COL27A1: variants seen among roughly 807,000 people sequenced by gnomAD.
The protein encoded by COL27A1 is collagen alpha-1(XXVII) chain.
Under a neutral mutation model 251.3 loss-of-function variants are expected in COL27A1, and 106 were observed. That is an observed-to-expected ratio of 0.42 (90% confidence interval 0.36 to 0.50). The LOEUF (loss-of-function observed/expected upper bound fraction) is 0.50, where lower values mean the gene tolerates loss of function less well. Among genes scored for constraint, COL27A1 ranks in the 20% least tolerant of loss-of-function variants. The pLI, the probability that COL27A1 is intolerant of heterozygous loss-of-function variation, is 0.00. For synonymous variants in COL27A1, 1,000 were observed against 986.3 expected (o/e 1.01, Z -0.26); for missense variants, 2,325 against 2,522.8 (o/e 0.92, Z 1.68).
At chr9:114,269,178 G>A in intron 34 of COL27A1, 63 bp from the exon 35 acceptor site, 1 of 1,148,902 alleles carries the variant, frequency 8.7e-7, no homozygotes. Context: ...GAAACAGGAA[G>A]GGGTGTCGAG....
At chr9:114,232,065 C>T (rs7024354) in intron 16 of COL27A1, among the ~76,000 whole-genome samples, 199 bp downstream of exon 16, 94,341 of 151,874 alleles carry the variant, frequency 0.62, 32,615 homozygotes, top group South Asian at 0.83. Context: ...TCTGGGAGCC[C>T]GAAAACCTCA....
chr9:114,212,164 C>G (rs2808794), intron 12 of COL27A1, among the ~76,000 whole-genome samples: 1 of 152,152 alleles, frequency 6.6e-6, no homozygotes, highest in Admixed American at 6.5e-5. Flanking sequence ...CTCTGTGGCC[C>G]GAACAGGCAG....
chr9:114,242,248 T>C lies in COL27A1; in HGVS notation c.2880+17T>C, dbSNP rs1294376359. The stretch of plus-strand genomic sequence containing the variant: ...GGCTTGGAGGTGAGTGTCACTGGCC[T>C]GGGGTAGGTGGCATTCATGGGAGCT... On this transcript the variant is annotated intron_variant, in intron 22 of 60. Transcript: ENST00000356083. The C allele has an allele frequency of 6.2e-7, 1 of 1,603,218 alleles. No individual in the cohort carries two copies. Among genetic ancestry groups the C allele is most frequent in the Non-Finnish European group, 8.5e-7 (1 of 1,175,342 alleles).
chr9:114,155,984 A>C lies in COL27A1; in HGVS notation c.34A>C (p.Thr12Pro). Residue 12 changes from threonine (T) to proline (P), a missense_variant, in exon 1 of 61, where the codon ACA (threonine) becomes CCA (proline). This residue lies in a region of COL27A1 where 1,183 missense variants were observed against 1,144.1 expected (regional missense o/e 1.03). Coordinates refer to ENST00000356083, the MANE Select transcript of COL27A1 (RefSeq NM_032888.4). This position sits in a 1 kb window ranked among gnomAD's most constrained non-coding sequence, Gnocchi z 5.5. ...GAGSARGARGTAAAAAARGGG... is the reference protein window; with the variant it reads ...GAGSARGARGPAAAAAARGGG... ...GGGATCGGCGCGGGGGGCCCGAGGC[A>C]CAGCGGCGGCGGCGGCGGCGCGCGG... 1 of 1,293,550 alleles carries C rather than the reference A, an allele frequency of 7.7e-7. No individual in the cohort carries two copies. The highest frequency in any genetic ancestry group is 2.8e-5 in the East Asian group (1 of 35,422). 80.1% of individuals were successfully genotyped at this position (1,293,550 alleles called of 1,614,324 possible).
intron 2 of COL27A1, among the ~76,000 whole-genome samples, chr9:114,164,745 A>G (rs1848715807): frequency 6.6e-6 from 1 of 152,230 alleles, no homozygotes; most frequent in South Asian, 2.1e-4. Context: ...TCATGATAAT[A>G]AGAGGGTTTC....
intron 23 of COL27A1, among the ~76,000 whole-genome samples, chr9:114,244,712 C>T (rs78149606): frequency 0.016 from 2,392 of 152,318 alleles, 66 homozygotes; most frequent in African/African-American, 0.054. Context: ...CAGTAAGCCA[C>T]ATCCATGTAT....
chr9:114,157,927 T>C (rs1185069731), intron 1 of COL27A1, among the ~76,000 whole-genome samples: 1 of 152,236 alleles, frequency 6.6e-6, no homozygotes, highest in Non-Finnish European at 1.5e-5. Context: ...TGGCATGTAA[T>C]AAGTGCTCAG....
Position 114,284,780 on chromosome 9 carries a change from G to A in COL27A1, c.3987+3G>A, listed in dbSNP as rs1355441003. 1 of 1,614,066 alleles carries A rather than the reference G, an allele frequency of 6.2e-7. No individual in the cohort carries two copies. The highest frequency in any genetic ancestry group is 8.5e-7 in the Non-Finnish European group (1 of 1,180,022). On this transcript the variant is annotated splice_donor_region_variant and intron_variant, in intron 41 of 60. Transcript: ENST00000356083. ...CTCCTGGACCAAAAGGCGAAAAGGT[G>A]GGTGTTTGCTCTGGGGAAAGCAGCT...
At chr9:114,236,919 C>T (rs1017044888) in intron 17 of COL27A1, 62 bp from the exon 18 acceptor site, 21 of 1,503,120 alleles carry the variant, frequency 1.4e-5, no homozygotes, top group East Asian at 6.8e-5. Context: ...GAGGACTGGG[C>T]GGCTGTTCAC....
At chr9:114,210,652 C>T (rs1830286503) in intron 11 of COL27A1, among the ~76,000 whole-genome samples, 1 of 152,172 alleles carries the variant, frequency 6.6e-6, no homozygotes, top group South Asian at 2.1e-4. Context: ...ATCTTCCTCC[C>T]CGCCCCCTCC....
At chr9:114,227,347 G>A (rs925096568) in intron 14 of COL27A1, among the ~76,000 whole-genome samples, 2 of 146,414 alleles carry the variant, frequency 1.4e-5, no homozygotes, top group South Asian at 2.2e-4. Context: ...GCCAACTCAG[G>A]CCTTGTGAGC....
intron 45 of COL27A1, among the ~76,000 whole-genome samples, chr9:114,289,680 C>T (rs1011006737): frequency 2.6e-5 from 4 of 152,070 alleles, no homozygotes; most frequent in Non-Finnish European, 5.9e-5. Flanking sequence ...CCCCAGGGCC[C>T]CTGCCTTCCC....
intron 39 of COL27A1, 84 bp from the exon 40 acceptor site, chr9:114,283,625 C>T (rs1836065499): frequency 7.8e-6 from 10 of 1,289,126 alleles, no homozygotes; most frequent in Middle Eastern, 1.9e-4. Flanking sequence ...CTGGGCGGAG[C>T]GGGGCTGGAG....
At chr9:114,244,987 G>A (rs1195380503) in intron 23 of COL27A1, among the ~76,000 whole-genome samples, 5 of 151,974 alleles carry the variant, frequency 3.3e-5, no homozygotes, top group African/African-American at 1.2e-4. Context: ...TTTATAGCTG[G>A]GGAGGCTGAG....
At chr9:114,199,197 C>T (rs1829389643) in intron 7 of COL27A1, among the ~76,000 whole-genome samples, 1 of 152,074 alleles carries the variant, frequency 6.6e-6, no homozygotes. Flanking sequence ...GGTGATTTTG[C>T]CCCCCAGGGA....
At position 114,162,775 on chromosome 9, in the gene COL27A1, A is replaced by G; in HGVS notation, c.123A>G (p.Gly41=). The change falls in exon 2 of 61, where the codon GGA becomes GGG. Residue 41 remains glycine (G), a synonymous_variant. Transcript: ENST00000356083. The stretch of plus-strand genomic sequence containing the variant: ...CCTGTCACCTGGCCTCCACCCAAGG[A>G]GCTCCTGAAGGTAATTCTCTCTTCT... ...SFACHLASTQ[G]APEDVDILQR... 1.2e-6 allele frequency: 2 copies of G among 1,611,958 alleles called. No individual in the cohort carries two copies. Among genetic ancestry groups the G allele is most frequent in the Non-Finnish European group, 1.7e-6 (2 of 1,178,670 alleles).
At position 114,245,873 on chromosome 9, in the gene COL27A1, C is replaced by A; in HGVS notation, c.2942C>A (p.Pro981Gln). ...CTCTTTGTCTCTTTGCAGGGGGAAC[C>A]AGGGGATCCTGGTCGGCCGGGGCCT... ...RPGLDGVKGE[P>Q]GDPGRPGPVG... Residue 981 changes from proline to glutamine, a missense_variant, in exon 24 of 61, where the codon CCA (proline) becomes CAA (glutamine). Pro to Gln is a moderately conservative substitution (Grantham distance 76). This residue lies in a region of COL27A1 where 662 missense variants were observed against 795.3 expected (regional missense o/e 0.83). Coordinates refer to ENST00000356083, the MANE Select transcript of COL27A1 (RefSeq NM_032888.4). 1.2e-6 allele frequency: 2 copies of A among 1,613,440 alleles called. No homozygotes were observed. Among genetic ancestry groups the A allele is most frequent in the Non-Finnish European group, 1.7e-6 (2 of 1,179,642 alleles).
intron 37 of COL27A1, among the ~76,000 whole-genome samples, chr9:114,280,731 G>C (rs1256604043): frequency 1.3e-5 from 2 of 152,156 alleles, no homozygotes; most frequent in Non-Finnish European, 2.9e-5. Flanking sequence ...GGTCCTTCCC[G>C]GGCCACTGTT....
chr9:114,248,374 C>T (rs745881901), intron 24 of COL27A1, among the ~76,000 whole-genome samples: 1 of 152,222 alleles, frequency 6.6e-6, no homozygotes, highest in Non-Finnish European at 1.5e-5. Flanking sequence ...ATCCCCAGTG[C>T]CTAGCATATG....
Sources: gnomAD v4.1 joint callset for allele counts (sites outside exome capture counted in the v4.1 genomes callset) on GRCh38, gnomAD v4.1.1 for gene constraint, gnomAD v4.1.1 regional missense constraint, Gnocchi (gnomAD v3.1) non-coding constraint, MANE v1.5 for transcripts, NCBI Gene and HGNC (gene_info 2026-07-23, HGNC 2026-07-21) for gene names.